Variants in USP7 observed in about 807,000 individuals in gnomAD.
The protein encoded by USP7 is ubiquitin specific peptidase 7, also known as ubiquitin C-terminal hydrolase 7.
A neutral mutation model predicts 162.9 loss-of-function variants in USP7; 9 were observed. The ratio of observed to expected loss-of-function variants is 0.06; its 90% CI spans 0.03 to 0.10. The LOEUF (loss-of-function observed/expected upper bound fraction) is 0.10, where lower values mean the gene tolerates loss of function less well. USP7 is among the 10% of genes least tolerant of loss of function. The pLI is 1.00. For missense variants in USP7, 715 were observed against 1,373.7 expected (o/e 0.52, Z 7.58); for synonymous variants, 562 against 475.9 (o/e 1.18, Z -2.35).
chr16:8,955,961 G>A (rs557510279), intron 1 of USP7, among the ~76,000 whole-genome samples: 4 of 152,268 alleles, frequency 2.6e-5, no homozygotes, highest in Non-Finnish European at 5.9e-5. Flanking sequence ...ACAGCCAGAT[G>A]TCAGATTACC....
At chr16:8,898,918 T>G (rs1014340470) in intron 23 of USP7, among the ~76,000 whole-genome samples, 1 of 152,222 alleles carries the variant, frequency 6.6e-6, no homozygotes, top group Non-Finnish European at 1.5e-5. Context: ...AAAGTCAGTC[T>G]GGCTTTGGAT....
intron 1 of USP7, among the ~76,000 whole-genome samples, chr16:8,941,494 T>A (rs1408062419): frequency 6.6e-6 from 1 of 152,188 alleles, no homozygotes; most frequent in Non-Finnish European, 1.5e-5. Context: ...GAGCCCACCC[T>A]CTTCTCGCAG....
chr16:8,937,205 T>A (rs1323956133), intron 1 of USP7, among the ~76,000 whole-genome samples: 1 of 22,666 alleles, frequency 4.4e-5, no homozygotes, highest in East Asian at 7.5e-3. Context: ...TGAGACTCTG[T>A]CTTTTTTTAA....
chr16:8,916,303 T>A (rs186864422), intron 8 of USP7, among the ~76,000 whole-genome samples, 199 bp downstream of exon 8: 20 of 152,320 alleles, frequency 1.3e-4, no homozygotes, highest in Admixed American at 5.2e-4. Context: ...GCTTCCTCAC[T>A]TCACCTTCAA....
chr16:8,941,091 T>G (rs571426302), intron 1 of USP7, among the ~76,000 whole-genome samples: 2 of 152,182 alleles, frequency 1.3e-5, no homozygotes, highest in African/African-American at 2.4e-5. Context: ...CTGCCCATGT[T>G]TGCCAAGGAG....
chr16:8,945,712 T>C (rs1899246117), intron 1 of USP7, among the ~76,000 whole-genome samples: 2 of 152,068 alleles, frequency 1.3e-5, no homozygotes, highest in Non-Finnish European at 1.5e-5. Context: ...GATTCTAATA[T>C]TTATATGGAA....
At chr16:8,948,107 G>C (rs1052956201) in intron 1 of USP7, among the ~76,000 whole-genome samples, 2 of 152,200 alleles carry the variant, frequency 1.3e-5, no homozygotes, top group Admixed American at 6.5e-5. Flanking sequence ...GATGCTAATA[G>C]AGCTCCCACC....
At chr16:8,919,744 C>T (rs1400862964) in intron 5 of USP7, among the ~76,000 whole-genome samples, 2 of 151,236 alleles carry the variant, frequency 1.3e-5, no homozygotes, top group Non-Finnish European at 2.9e-5. Flanking sequence ...AGCAATCCTC[C>T]CACCTCCACG....
chr16:8,908,185 C>CT (rs1203958150), intron 12 of USP7, among the ~76,000 whole-genome samples, 156 bp downstream of exon 12: 7 of 152,158 alleles, frequency 4.6e-5, no homozygotes, highest in African/African-American at 1.7e-4. Flanking sequence ...AAAATCATTC[C>CT]TTTAACACTG....
At chr16:8,962,575 A>G in intron 1 of USP7, 1 of 363,628 alleles carries the variant, frequency 2.8e-6, no homozygotes, top group Non-Finnish European at 5.7e-6. Flanking sequence ...TGCACCACAC[A>G]CTGCCAAGTA....
intron 1 of USP7, among the ~76,000 whole-genome samples, chr16:8,944,954 A>G (rs1173087193): frequency 6.6e-6 from 1 of 152,148 alleles, no homozygotes; most frequent in African/African-American, 2.4e-5. Context: ...CTAAAAATAC[A>G]AAAATTAGCT....
Position 8,915,520 on chromosome 16 carries a change from G to T in USP7, c.912C>A (p.Leu304=). 1.2e-6 allele frequency: 2 copies of T among 1,612,410 alleles called. No individual in the cohort carries two copies. Among genetic ancestry groups the T allele is most frequent in the South Asian group, 1.1e-5 (1 of 90,712 alleles). ...CTTTCATCTTATTTTCCACATTATC[G>T]AGCAACTGAAAAAGAATGTTTTGGC... ...HDVQELCRVL[L]DNVENKMKGT... The change falls in exon 9 of 31, where the codon CTC becomes CTA. Residue 304 remains leucine, a synonymous_variant. Transcript: ENST00000344836.
chr16:8,948,815 T>G (rs893977119), intron 1 of USP7, among the ~76,000 whole-genome samples: 1 of 152,048 alleles, frequency 6.6e-6, no homozygotes. Context: ...AATACAAAAC[T>G]TAGCCAGGCG....
At chr16:8,920,283 T>C in intron 5 of USP7, 76 bp downstream of exon 5, 4 of 1,254,390 alleles carry the variant, frequency 3.2e-6, no homozygotes, top group Non-Finnish European at 2.3e-6. Context: ...TGCATCTCTA[T>C]TACATGCACG....
chr16:8,930,531 T>G, intron 1 of USP7, 134 bp from the exon 2 acceptor site: 1 of 611,320 alleles, frequency 1.6e-6, no homozygotes, highest in Non-Finnish European at 2.7e-6. Context: ...AGATTCATTC[T>G]AATCCAAAAA....
chr16:8,946,943 CT>C (rs1261841148), intron 1 of USP7, among the ~76,000 whole-genome samples: 2 of 152,198 alleles, frequency 1.3e-5, no homozygotes, highest in African/African-American at 4.8e-5. Flanking sequence ...ATAAATGCAA[CT>C]GGAAAAAATC....
intron 4 of USP7, 115 bp downstream of exon 4, chr16:8,921,042 T>C: frequency 2.5e-6 from 3 of 1,208,928 alleles, no homozygotes; most frequent in Non-Finnish European, 3.4e-6. Flanking sequence ...ACTTGTCCAA[T>C]TTAGAAAGTA....
At chr16:8,900,917 G>C (rs1358147599) in intron 20 of USP7, 73 bp downstream of exon 20, 38 of 1,494,838 alleles carry the variant, frequency 2.5e-5, no homozygotes, top group Non-Finnish European at 3.3e-5. Context: ...CAAATTCGGG[G>C]TAAAAAGAAC....
At chr16:8,935,412 C>A (rs761251731) in intron 1 of USP7, among the ~76,000 whole-genome samples, 1 of 152,186 alleles carries the variant, frequency 6.6e-6, no homozygotes, top group Non-Finnish European at 1.5e-5. Flanking sequence ...GGTTTCACCA[C>A]GTTGGCCAGG....
Sources: allele counts gnomAD v4.1 joint callset (sites outside exome capture counted in the v4.1 genomes callset), GRCh38; gene constraint gnomAD v4.1.1; transcripts MANE v1.5; gene names NCBI Gene and HGNC (gene_info 2026-07-23, HGNC 2026-07-21).